KIF5A: variants seen among roughly 807,000 people sequenced by gnomAD.
KIF5A encodes the protein kinesin heavy chain isoform 5A.
A neutral mutation model predicts 141.3 loss-of-function variants in KIF5A; 35 were observed. The observed-to-expected ratio is 0.25, with a 90% CI of 0.19 to 0.33. The LOEUF is 0.33. KIF5A is among the 10% of genes least tolerant of loss of function. The probability of loss-of-function intolerance (pLI) is 1.00; values close to 1 mark genes in which losing one functional copy is unlikely to be tolerated. For missense variants in KIF5A, 861 were observed against 1,314.3 expected, an observed-to-expected ratio of 0.66 and a Z score of 5.33; for synonymous variants, 448 against 500.2, an observed-to-expected ratio of 0.90 and a Z score of 1.39.
intron 25 of KIF5A, 114 bp from the exon 26 acceptor site, chr12:57,581,756 C>G (rs1439817750): frequency 1.6e-6 from 2 of 1,245,450 alleles, no homozygotes; most frequent in African/African-American, 3.0e-5. Context: ...CCTCTGCTCT[C>G]TGGGGATGGG....
chr12:57,586,149 G>A lies in KIF5A; in HGVS notation c.*1968G>A, dbSNP rs957495935. The A allele has an allele frequency of 1.3e-5, 2 of 152,168 alleles. No individual in the cohort carries two copies. Among genetic ancestry groups the A allele is most frequent in the African/African-American group, 4.8e-5 (2 of 41,442 alleles). The allele number at this position is 152,168 out of a possible 1,614,324, so 9.4% of individuals were successfully genotyped here. A position where few individuals can be genotyped will look rare whatever the true frequency, so the allele number is the denominator to read the frequency against. On this transcript the variant is annotated 3_prime_UTR_variant, in exon 29 of 29. Transcript: ENST00000455537. ...GGGTAGACAAGCCATGCTGTCTCCA[G>A]ACCCACTAGGGTGGAAGGAAGGTTC...
intron 1 of KIF5A, among the ~76,000 whole-genome samples, chr12:57,562,585 C>T (rs1881941810): frequency 6.6e-6 from 1 of 152,178 alleles, no homozygotes; most frequent in Non-Finnish European, 1.5e-5. Flanking sequence ...TTCATATATT[C>T]CTTTCACAAA....
chr12:57,554,431 C>T (rs753821604), intron 1 of KIF5A, among the ~76,000 whole-genome samples: 1 of 152,176 alleles, frequency 6.6e-6, no homozygotes, highest in Non-Finnish European at 1.5e-5. Context: ...ATGCTATCTC[C>T]CCACAAGCTA....
Position 57,564,959 on chromosome 12 carries a change from G to C in KIF5A, c.487G>C (p.Val163Leu). The change falls in exon 6 of 29, where the codon GTG becomes CTG. Residue 163 changes from valine (V) to leucine (L), a missense_variant. Around this residue, in one of 5 missense-constraint regions of KIF5A, gnomAD observed 146 missense variants for 353.4 expected, o/e 0.41. Coordinates refer to ENST00000455537, the MANE Select transcript of KIF5A (RefSeq NM_004984.4). ...NLSVHEDKNR[V>L]PFVKGCTERF... The stretch of plus-strand genomic sequence containing the variant: ...GTCCGTGCACGAGGACAAGAACCGG[G>C]TGCCATTTGTCAAGGTGAGAGTGGG... The C allele has an allele frequency of 6.2e-7, 1 of 1,614,224 alleles. No individual in the cohort carries two copies. Among genetic ancestry groups the C allele is most frequent in the Non-Finnish European group, 8.5e-7 (1 of 1,180,036 alleles).
At chr12:57,576,474 C>A in intron 19 of KIF5A, 96 bp downstream of exon 19, 1 of 941,926 alleles carries the variant, frequency 1.1e-6, no homozygotes, top group Non-Finnish European at 1.7e-6. Context: ...CTTTAACATC[C>A]ATGTGTCATT....
At chr12:57,564,718 G>A (rs552619870) in intron 5 of KIF5A, among the ~76,000 whole-genome samples, 200 bp from the exon 6 acceptor site, 105 of 152,348 alleles carry the variant, frequency 6.9e-4, no homozygotes, top group East Asian at 1.9e-4. Flanking sequence ...CAGTTCGAGA[G>A]GATCTGGGGC....
chr12:57,565,008 G>A (rs1215978232), intron 6 of KIF5A, 35 bp downstream of exon 6: 1 of 1,596,500 alleles, frequency 6.3e-7, no homozygotes, highest in Non-Finnish European at 8.6e-7. Context: ...TGTGGGGCCA[G>A]TGTATTGAGA....
At position 57,550,203 on chromosome 12, in the gene KIF5A, C is replaced by G; in HGVS notation, c.-69C>G. 6.2e-6 allele frequency: 10 copies of G among 1,605,318 alleles called. No individual in the cohort carries two copies. The South Asian group carries it at 9.9e-5, about 16-fold the overall frequency. Reference sequence around the variant, plus strand: ...CCTCCGCCTCGGCCTCTGCTGAGAGCCCTCTCCTCTGGAGCACACACCACC... The same window carrying G: ...CCTCCGCCTCGGCCTCTGCTGAGAGGCCTCTCCTCTGGAGCACACACCACC... On this transcript the variant is annotated 5_prime_UTR_variant, in exon 1 of 29. Transcript: ENST00000455537. The surrounding 1 kb of genome is among the most constrained non-coding windows in gnomAD (Gnocchi z 4.6).
chr12:57,570,052 G>A lies in KIF5A; in HGVS notation c.1183G>A (p.Glu395Lys). 1 of 1,614,190 alleles carries A rather than the reference G, an allele frequency of 6.2e-7. No individual in the cohort carries two copies. Reference sequence around the variant, plus strand: ...GGCAGCCCTGGGAGCCGAGCTCTGTGAGGAGACCCCTGTGAATGACAACTC... The same window carrying A: ...GGCAGCCCTGGGAGCCGAGCTCTGTAAGGAGACCCCTGTGAATGACAACTC... ...EEAALGAELC[E>K]ETPVNDNSSI... The change falls in exon 12 of 29, where the codon GAG (glutamate) becomes AAG (lysine). Residue 395 changes from glutamate to lysine, a missense_variant. Coordinates refer to ENST00000455537, the MANE Select transcript of KIF5A (RefSeq NM_004984.4).
At position 57,572,435 on chromosome 12, in the gene KIF5A, C is replaced by T. The variant is rs1882285298; in HGVS notation, c.1570-145C>T. On this transcript the variant is annotated intron_variant, in intron 14 of 28. Coordinates refer to ENST00000455537, the MANE Select transcript of KIF5A (RefSeq NM_004984.4). This position sits in a 1 kb window ranked among gnomAD's most constrained non-coding sequence, Gnocchi z 4.2. Reference sequence around the variant, plus strand: ...TGTCACTGCACTTTCCCCTCACAGTCCCTCTGTCTTTCAGACTCTTCTGCA... The same window carrying T: ...TGTCACTGCACTTTCCCCTCACAGTTCCTCTGTCTTTCAGACTCTTCTGCA... 6.2e-6 allele frequency: 8 copies of T among 1,286,362 alleles called. No homozygotes were observed. Among genetic ancestry groups the T allele is most frequent in the African/African-American group, 1.5e-5 (1 of 68,010 alleles). 79.7% of individuals were successfully genotyped at this position (1,286,362 alleles called of 1,614,324 possible). A position where few individuals can be genotyped will look rare whatever the true frequency, so the allele number is the denominator to read the frequency against.
At position 57,575,763 on chromosome 12, in the gene KIF5A, G is replaced by C; in HGVS notation, c.2023+6G>C. 1 of 1,587,344 alleles carries C rather than the reference G, an allele frequency of 6.3e-7. No homozygotes were observed. The highest frequency in any genetic ancestry group is 8.7e-7 in the Non-Finnish European group (1 of 1,155,596). Reference sequence around the variant, plus strand: ...GGCCAAGCTCCAGGCCCAGGGTGAGGCCTTCTTATACCTCCATCCCACTGT... The same window carrying C: ...GGCCAAGCTCCAGGCCCAGGGTGAGCCCTTCTTATACCTCCATCCCACTGT... On this transcript the variant is annotated splice_donor_region_variant and intron_variant, in intron 17 of 28. Transcript: ENST00000455537.
intron 23 of KIF5A, among the ~76,000 whole-genome samples, chr12:57,579,963 GAC>G (rs1232757463): frequency 1.3e-5 from 2 of 152,136 alleles, no homozygotes; most frequent in African/African-American, 4.8e-5. Flanking sequence ...TACCTCAGCA[GAC>G]ACAAGAGTAA....
chr12:57,576,523 A>G (rs1340503099), intron 19 of KIF5A, 145 bp downstream of exon 19: 9 of 747,348 alleles, frequency 1.2e-5, no homozygotes, highest in Non-Finnish European at 2.1e-5. Flanking sequence ...CCACCTCAGG[A>G]GACACATGGA....
At chr12:57,578,687 A>G (rs552443139) in intron 23 of KIF5A, among the ~76,000 whole-genome samples, 1 of 152,168 alleles carries the variant, frequency 6.6e-6, no homozygotes, top group Non-Finnish European at 1.5e-5. Context: ...AGGCAGGGAG[A>G]TGAGAAGAAG....
intron 27 of KIF5A, 111 bp from the exon 28 acceptor site, chr12:57,582,990 A>G: frequency 1.1e-6 from 1 of 893,300 alleles, no homozygotes; most frequent in Admixed American, 2.0e-5. Flanking sequence ...TAAAACACAA[A>G]TAGTCCCTGC....
Position 57,550,473 on chromosome 12 carries a change from G to A in KIF5A, c.129+73G>A. ...TCTCCCCGCCCCCCGCAGAGCCTTA[G>A]TCTCTGCTGGTCCCTTTGCTCCCCC... On this transcript the variant is annotated intron_variant, in intron 1 of 28. Coordinates refer to ENST00000455537, the MANE Select transcript of KIF5A (RefSeq NM_004984.4). This position sits in a 1 kb window ranked among gnomAD's most constrained non-coding sequence, Gnocchi z 4.6. 2.0e-6 allele frequency: 3 copies of A among 1,505,630 alleles called. No homozygotes were observed. Among genetic ancestry groups the A allele is most frequent in the Non-Finnish European group, 2.8e-6 (3 of 1,088,546 alleles). The allele number at this position is 1,505,630 out of a possible 1,614,324, so 93.3% of individuals were successfully genotyped here. A position where few individuals can be genotyped will look rare whatever the true frequency, so the allele number is the denominator to read the frequency against.
Position 57,572,250 on chromosome 12 carries a change from G to A in KIF5A, c.1552G>A (p.Glu518Lys). 6.3e-7 allele frequency: 1 copy of A among 1,598,192 alleles called. No homozygotes were observed. The highest frequency in any genetic ancestry group is 8.5e-7 in the Non-Finnish European group (1 of 1,172,154). Residue 518 changes from glutamate to lysine, a missense_variant, in exon 14 of 29, where the codon GAG becomes AAG. Physicochemically the swap from Glu to Lys is moderately conservative, Grantham distance 56. This residue lies in a region of KIF5A where 482 missense variants were observed against 661.3 expected (regional missense o/e 0.73). Transcript: ENST00000455537. This position sits in a 1 kb window ranked among gnomAD's most constrained non-coding sequence, Gnocchi z 4.2. Reference sequence around the variant, plus strand: ...CCAGCAGAACCAGCTTCTGGTGGATGAGCTGTCTCAGAAGGTGGTAAGTGG... The same window carrying A: ...CCAGCAGAACCAGCTTCTGGTGGATAAGCTGTCTCAGAAGGTGGTAAGTGG... ...KSQQNQLLVD[E>K]LSQKVATMLS...
chr12:57,575,637 C>A lies in KIF5A; in HGVS notation c.1906-3C>A. Reference sequence around the variant, plus strand: ...CTTCCTCTCACCAACTTTCTCCCACCAGCATGAGGCCAAGATCCGCTCGCT... The same window carrying A: ...CTTCCTCTCACCAACTTTCTCCCACAAGCATGAGGCCAAGATCCGCTCGCT... On this transcript the variant is annotated splice_polypyrimidine_tract_variant and splice_region_variant and intron_variant, in intron 16 of 28. Transcript: ENST00000455537. 6.2e-7 allele frequency: 1 copy of A among 1,613,482 alleles called. No homozygotes were observed. Among genetic ancestry groups the A allele is most frequent in the Non-Finnish European group, 8.5e-7 (1 of 1,179,416 alleles).
chr12:57,576,869 G>A lies in KIF5A; in HGVS notation c.2300+7G>A, dbSNP rs763362184. On this transcript the variant is annotated splice_region_variant and intron_variant, in intron 20 of 28. Coordinates refer to ENST00000455537, the MANE Select transcript of KIF5A (RefSeq NM_004984.4). ...CCAAGCTGCAGGAGCTGACGTGAGT[G>A]GCATGGATTTACCTGTAAAACTACA... 1.9e-6 allele frequency: 3 copies of A among 1,606,792 alleles called. No individual in the cohort carries two copies. Among genetic ancestry groups the A allele is most frequent in the Non-Finnish European group, 2.6e-6 (3 of 1,173,714 alleles).
Sources: allele counts gnomAD v4.1 joint callset (sites outside exome capture counted in the v4.1 genomes callset), GRCh38; gene constraint gnomAD v4.1.1; regional missense constraint gnomAD v4.1.1; non-coding constraint Gnocchi (gnomAD v3.1); transcripts MANE v1.5; gene names NCBI Gene and HGNC (gene_info 2026-07-23, HGNC 2026-07-21).